Variants in PHACTR1 observed in about 807,000 individuals in gnomAD.
The protein encoded by PHACTR1 is RPEL repeat containing 1.
PHACTR1 carries 16 observed loss-of-function variants against 69.2 expected under a neutral mutation model. The ratio of observed to expected loss-of-function variants is 0.23; its 90% CI spans 0.16 to 0.35. PHACTR1 has a LOEUF of 0.35. Among genes scored for constraint, PHACTR1 ranks in the 10% least tolerant of loss-of-function variants. PHACTR1 has a pLI of 1.00. For missense variants in PHACTR1, 510 were observed against 734.7 expected, an observed-to-expected ratio of 0.69 and a Z score of 3.54; for synonymous variants, 312 against 284.5, an observed-to-expected ratio of 1.10 and a Z score of -0.97.
intron 11 of PHACTR1, 51 bp downstream of exon 11, chr6:13,272,966 T>C: frequency 6.2e-7 from 1 of 1,607,402 alleles, no homozygotes. Context: ...CGGCTTTTGT[T>C]ATTATTTAAT....
chr6:13,184,883 C>T (rs952174040), intron 7 of PHACTR1: 5 of 1,366,454 alleles, frequency 3.7e-6, no homozygotes, highest in Non-Finnish European at 4.9e-6. Context: ...CTACTGCCCC[C>T]CAAAAAACCT....
chr6:13,227,919 C>G lies in PHACTR1; in HGVS notation c.1090C>G (p.Gln364Glu), dbSNP rs747291063. 6.2e-7 allele frequency: 1 copy of G among 1,613,980 alleles called. No homozygotes were observed. Among genetic ancestry groups the G allele is most frequent in the Admixed American group, 1.7e-5 (1 of 60,026 alleles). Residue 364 changes from glutamine to glutamate, a missense_variant, in exon 9 of 15, where the codon CAA becomes GAA. Gln to Glu is a conservative substitution (Grantham distance 29, BLOSUM62 2). Transcript: ENST00000332995. ...ACCTATGGGCCTTCCAGAAATAAGA[C>G]AAGTGCCAACTGTTGTGATTGAATG... The part of the protein sequence containing the change: ...AGPMGLPEIR[Q>E]VPTVVIECDD...
intron 8 of PHACTR1, among the ~76,000 whole-genome samples, chr6:13,221,176 G>A (rs1427414633): frequency 6.6e-6 from 1 of 152,174 alleles, no homozygotes; most frequent in Non-Finnish European, 1.5e-5. Flanking sequence ...GGAGCAGAGG[G>A]AGGAGGCAGG....
intron 4 of PHACTR1, among the ~76,000 whole-genome samples, chr6:12,979,882 C>T (rs1012652748): frequency 8.5e-5 from 13 of 152,098 alleles, no homozygotes; most frequent in Non-Finnish European, 1.9e-4. Flanking sequence ...TGGTAAATAA[C>T]ATAGTTTATT....
chr6:12,982,136 T>C (rs1251085724), intron 4 of PHACTR1, among the ~76,000 whole-genome samples: 1 of 152,200 alleles, frequency 6.6e-6, no homozygotes, highest in Non-Finnish European at 1.5e-5. Context: ...TAAGGTTGCT[T>C]TTCACCTAAT....
chr6:12,817,376 T>C (rs13215300), intron 4 of PHACTR1, among the ~76,000 whole-genome samples: 12,305 of 152,258 alleles, frequency 0.081, 528 homozygotes, highest in Middle Eastern at 0.12. Context: ...TAAACATATT[T>C]GTAGCAATAA....
chr6:13,045,402 A>G (rs1183757265), intron 4 of PHACTR1, among the ~76,000 whole-genome samples: 1 of 152,150 alleles, frequency 6.6e-6, no homozygotes, highest in Non-Finnish European at 1.5e-5. Context: ...CTTTACCGTC[A>G]TAATAGTCAT....
At chr6:13,103,225 G>A (rs972370126) in intron 5 of PHACTR1, among the ~76,000 whole-genome samples, 6 of 152,186 alleles carry the variant, frequency 3.9e-5, no homozygotes, top group Admixed American at 1.3e-4. Context: ...GCATATTAGT[G>A]TTCAGCAGTA....
chr6:13,236,136 A>G (rs753310773), intron 10 of PHACTR1, among the ~76,000 whole-genome samples: 6 of 150,074 alleles, frequency 4.0e-5, no homozygotes, highest in Non-Finnish European at 8.9e-5. Flanking sequence ...TTTTTTCATC[A>G]CCTGAGCTGG....
intron 7 of PHACTR1, among the ~76,000 whole-genome samples, chr6:13,202,597 C>T (rs1177197528): frequency 5.9e-5 from 9 of 151,990 alleles, no homozygotes; most frequent in African/African-American, 1.9e-4. Context: ...CCTGCCTCAG[C>T]CTCCCAAGTA....
intron 6 of PHACTR1, among the ~76,000 whole-genome samples, chr6:13,166,600 C>T (rs1759848494): frequency 6.6e-6 from 1 of 152,058 alleles, no homozygotes; most frequent in South Asian, 2.1e-4. Flanking sequence ...TTTTATGGTC[C>T]ATAAAACTTT....
At position 13,230,269 on chromosome 6, in the gene PHACTR1, C is replaced by T. The variant is rs779586464; in HGVS notation, c.1391+76C>T. Reference sequence around the variant, plus strand: ...AGGTTCTAGCAAAAGAATTCAGTCTCGGCCGGGCGCAGTAGCTTATGCCTG... The same window carrying T: ...AGGTTCTAGCAAAAGAATTCAGTCTTGGCCGGGCGCAGTAGCTTATGCCTG... On this transcript the variant is annotated intron_variant, in intron 10 of 14. Coordinates refer to ENST00000332995, the MANE Select transcript of PHACTR1 (RefSeq NM_030948.6). 1.7e-5 allele frequency: 26 copies of T among 1,550,386 alleles called. No homozygotes were observed. The Admixed American group carries it at 1.8e-4, about 10-fold the overall frequency.
chr6:12,739,964 C>G (rs1000712256), intron 3 of PHACTR1, among the ~76,000 whole-genome samples: 1 of 152,212 alleles, frequency 6.6e-6, no homozygotes, highest in African/African-American at 2.4e-5. Flanking sequence ...AATCAACATA[C>G]AATTCCCTAC....
At position 12,932,689 on chromosome 6, in the gene PHACTR1, G is replaced by T. The variant is rs148163371; in HGVS notation, c.251-120676G>T. On this transcript the variant is annotated intron_variant, in intron 4 of 14. Transcript: ENST00000332995. ...CCCTTAAACAATATCTTTTAATTCC[G>T]AATGATCCCAGTGGTTTCCTAAGCT... Among the ~76,000 whole-genome samples, 19 of 152,122 alleles carry T rather than the reference G, an allele frequency of 1.2e-4. No individual in the cohort carries two copies. The East Asian group carries it at 3.7e-3, about 29-fold the overall frequency.
Position 13,249,000 on chromosome 6 carries a change from T to A in PHACTR1, c.1391+18807T>A, listed in dbSNP as rs1773973583. 3.3e-5 allele frequency among the ~76,000 whole-genome samples: 5 copies of A among 152,288 alleles called. No homozygotes were observed. In the South Asian group the frequency reaches 1.0e-3, roughly 32 times the overall value. ...AAGAACGAGAGGAGGAGAAGTTAGGTCTTCCGTCCTCCCTTGCCAGCCACA... is the reference window on the plus strand; with the variant it reads ...AAGAACGAGAGGAGGAGAAGTTAGGACTTCCGTCCTCCCTTGCCAGCCACA... On this transcript the variant is annotated intron_variant, in intron 10 of 14. Coordinates refer to ENST00000332995, the MANE Select transcript of PHACTR1 (RefSeq NM_030948.6).
At chr6:12,725,946 G>A (rs932973407) in intron 3 of PHACTR1, among the ~76,000 whole-genome samples, 1 of 152,062 alleles carries the variant, frequency 6.6e-6, no homozygotes, top group Admixed American at 6.5e-5. Flanking sequence ...TAGACTCCAG[G>A]AAAGGGTGTG....
chr6:13,000,142 G>T (rs1272072657), intron 4 of PHACTR1, among the ~76,000 whole-genome samples: 5 of 152,178 alleles, frequency 3.3e-5, no homozygotes, highest in Non-Finnish European at 7.3e-5. Context: ...CAAGAAAGAG[G>T]CTCCAGAAAG....
At chr6:13,061,676 A>G (rs942965891) in intron 5 of PHACTR1, among the ~76,000 whole-genome samples, 1 of 152,178 alleles carries the variant, frequency 6.6e-6, no homozygotes, top group Non-Finnish European at 1.5e-5. Flanking sequence ...GTAGACTAAC[A>G]ACTATATATC....
At position 13,140,182 on chromosome 6, in the gene PHACTR1, G is replaced by T. The variant is rs932268280; in HGVS notation, c.416-20022G>T. ...GGAGAAATTTGAACCCTTGTATACT[G>T]TTGCTAATCAAAATGGTGCAGCTGC... On this transcript the variant is annotated intron_variant, in intron 5 of 14. Coordinates refer to ENST00000332995, the MANE Select transcript of PHACTR1 (RefSeq NM_030948.6). 5.2e-4 allele frequency among the ~76,000 whole-genome samples: 15 copies of T among 28,892 alleles called. No individual in the cohort carries two copies. In the Admixed American group the frequency reaches 9.4e-3, roughly 18 times the overall value. 19.0% of individuals were successfully genotyped at this position (28,892 alleles called of 152,430 possible).
Sources: gnomAD v4.1 joint callset for allele counts (sites outside exome capture counted in the v4.1 genomes callset) on GRCh38, gnomAD v4.1.1 for gene constraint, MANE v1.5 for transcripts, NCBI Gene and HGNC (gene_info 2026-07-23, HGNC 2026-07-21) for gene names.